PICALM: variants seen among roughly 807,000 people sequenced by gnomAD.
PICALM encodes phosphatidylinositol binding clathrin assembly protein, also known as phosphatidylinositol-binding clathrin assembly protein.
A neutral mutation model predicts 80.5 loss-of-function variants in PICALM; 40 were observed. The ratio of observed to expected loss-of-function variants is 0.50; its 90% CI spans 0.39 to 0.65. The LOEUF is 0.65. Among genes scored for constraint, PICALM ranks in the 30% least tolerant of loss-of-function variants. The probability of loss-of-function intolerance (pLI) is 0.00; values close to 1 mark genes in which losing one functional copy is unlikely to be tolerated. For missense variants in PICALM, 676 were observed against 778.9 expected, an observed-to-expected ratio of 0.87 and a Z score of 1.57; for synonymous variants, 288 against 260.3, an observed-to-expected ratio of 1.11 and a Z score of -1.02.
chr11:86,023,326 A>C, intron 3 of PICALM: 1 of 346,982 alleles, frequency 2.9e-6, no homozygotes, highest in African/African-American at 2.2e-5. Context: ...TTATTTAGCA[A>C]AATATTTATT....
Position 86,003,495 on chromosome 11 carries a change from C to T in PICALM, c.808-44G>A, listed in dbSNP as rs771127377. 1.2e-5 allele frequency: 15 copies of T among 1,244,396 alleles called. No individual in the cohort carries two copies. In the East Asian group the frequency reaches 3.5e-4, roughly 29 times the overall value. The allele number at this position is 1,244,396 out of a possible 1,614,324, so 77.1% of individuals were successfully genotyped here. A position where few individuals can be genotyped will look rare whatever the true frequency, so the allele number is the denominator to read the frequency against. The stretch of plus-strand genomic sequence containing the variant: ...TAAGAATTTCATGATAATTAGGCCA[C>T]TGGTCAAATTAAATCAAGTATCATC... On this transcript the variant is annotated intron_variant, in intron 8 of 19. Coordinates refer to ENST00000393346, the MANE Select transcript of PICALM (RefSeq NM_007166.4).
chr11:86,009,091 G>A (rs2095340251), intron 7 of PICALM, among the ~76,000 whole-genome samples: 1 of 151,498 alleles, frequency 6.6e-6, no homozygotes, highest in Admixed American at 6.6e-5. Context: ...GATTACTTGA[G>A]GTCAGGAGTT....
At position 85,975,786 on chromosome 11, in the gene PICALM, G is replaced by T. The variant is rs574870993; in HGVS notation, c.1839+837C>A. ...TAATTTTTGTATTTTTAGTAGAGACGGAGTTTCACCATATTGGTCAGGCTG... is the reference window on the plus strand; with the variant it reads ...TAATTTTTGTATTTTTAGTAGAGACTGAGTTTCACCATATTGGTCAGGCTG... On this transcript the variant is annotated intron_variant, in intron 18 of 19. Transcript: ENST00000393346. Among the ~76,000 whole-genome samples the T allele has an allele frequency of 7.9e-5, 12 of 151,786 alleles. No homozygotes were observed. The East Asian group carries it at 2.1e-3, about 27-fold the overall frequency.
chr11:85,965,515 G>A (rs2093846068), intron 19 of PICALM, among the ~76,000 whole-genome samples: 1 of 152,156 alleles, frequency 6.6e-6, no homozygotes, highest in Admixed American at 6.5e-5. Flanking sequence ...CAGGCCATTA[G>A]TGGTACGTTG....
chr11:85,978,427 A>C (rs142924376), intron 17 of PICALM: 1 of 165,450 alleles, frequency 6.0e-6, no homozygotes, highest in Non-Finnish European at 1.3e-5. Flanking sequence ...TCTACCACAG[A>C]AAAAAAGCAA....
upstream of PICALM, chr11:86,069,857 G>A (rs1256989488): frequency 6.6e-6 from 1 of 152,248 alleles, no homozygotes; most frequent in South Asian, 2.1e-4. Flanking sequence ...ATTCTCTAGG[G>A]TGTGGAATAG....
At chr11:86,045,426 C>T (rs1339565580) in intron 1 of PICALM, among the ~76,000 whole-genome samples, 1 of 140,948 alleles carries the variant, frequency 7.1e-6, no homozygotes, top group Non-Finnish European at 1.5e-5. Flanking sequence ...CACTTCAGCC[C>T]AAGAGTTTGA....
intron 9 of PICALM, among the ~76,000 whole-genome samples, chr11:86,001,632 A>G (rs138024202): frequency 6.6e-6 from 1 of 152,238 alleles, no homozygotes; most frequent in South Asian, 2.1e-4. Context: ...TGTTTCACCT[A>G]TAACAACATC....
At chr11:86,026,551 T>C (rs1227695162) in intron 2 of PICALM, among the ~76,000 whole-genome samples, 184 bp from the exon 3 acceptor site, 1 of 152,172 alleles carries the variant, frequency 6.6e-6, no homozygotes, top group East Asian at 1.9e-4. Context: ...TTCACTAGCA[T>C]GCGAGAATTT....
At chr11:85,997,366 G>C (rs1400574859) in intron 11 of PICALM, among the ~76,000 whole-genome samples, 3 of 152,112 alleles carry the variant, frequency 2.0e-5, no homozygotes, top group Admixed American at 6.5e-5. Context: ...CTCACTTCTA[G>C]TGCCTCAGTG....
chr11:85,967,824 G>A (rs867956045), intron 19 of PICALM, among the ~76,000 whole-genome samples: 1 of 152,096 alleles, frequency 6.6e-6, no homozygotes, highest in South Asian at 2.1e-4. Context: ...TAAATTATTC[G>A]AATATCTAAA....
chr11:85,966,467 T>C (rs2093902421), intron 19 of PICALM, among the ~76,000 whole-genome samples: 1 of 152,250 alleles, frequency 6.6e-6, no homozygotes, highest in African/African-American at 2.4e-5. Context: ...CAGTTTCAAA[T>C]ATTTTCATTT....
intron 5 of PICALM, among the ~76,000 whole-genome samples, chr11:86,013,780 C>CT (rs963128321): frequency 6.6e-6 from 1 of 151,970 alleles, no homozygotes; most frequent in African/African-American, 2.4e-5. Flanking sequence ...GGTCAGCAAA[C>CT]TTTTTTTTGT....
intron 1 of PICALM, among the ~76,000 whole-genome samples, chr11:86,051,704 G>A (rs990548738): frequency 6.6e-6 from 1 of 152,108 alleles, no homozygotes; most frequent in Non-Finnish European, 1.5e-5. Flanking sequence ...ATCTCAAAAT[G>A]TAATCTTACA....
rs755346304 is a variant in PICALM at position 85,981,177 on chromosome 11, G to C, written c.1731C>G (p.Asn577Lys). The change falls in exon 17 of 20, where the codon AAC becomes AAG. Residue 577 changes from asparagine (N) to lysine (K), a missense_variant. Physicochemically the swap from Asn to Lys is moderately conservative, Grantham distance 94 (BLOSUM62 0). This residue lies in a region of PICALM where 391 missense variants were observed against 383.6 expected (regional missense o/e 1.02). Coordinates refer to ENST00000393346, the MANE Select transcript of PICALM (RefSeq NM_007166.4). ...TTGTTGGTGCAACCTTTGGTTGCCA[G>C]TTAGATCCCCCAGTTAACTTCTTTT... is the stretch of plus-strand genomic sequence containing the variant. ...PGEKKLTGGS[N>K]WQPKVAPTTA... 17 of 1,610,240 alleles carry C rather than the reference G, an allele frequency of 1.1e-5. No homozygotes were observed. In the South Asian group the frequency reaches 1.6e-4, roughly 16 times the overall value.
At chr11:85,981,451 C>CA (rs2094440325) in intron 16 of PICALM, among the ~76,000 whole-genome samples, 1 of 151,834 alleles carries the variant, frequency 6.6e-6, no homozygotes, top group Non-Finnish European at 1.5e-5. Context: ...ACTAAAAATA[C>CA]AAAAAAATTA....
rs1177856164 is a variant in PICALM, at chr11:85,958,580, T to C, written c.*466A>G. On this transcript the variant is annotated 3_prime_UTR_variant, in exon 20 of 20. Coordinates refer to ENST00000393346, the MANE Select transcript of PICALM (RefSeq NM_007166.4). ...AAAGAAAAGTTAATTTCAGTTATTG[T>C]TTCTGTATTTGTGAGGACTGGAGAA... is the stretch of plus-strand genomic sequence containing the variant. The C allele has an allele frequency of 4.5e-6, 1 of 221,438 alleles. No individual in the cohort carries two copies. The highest frequency in any genetic ancestry group is 9.0e-6 in the Non-Finnish European group (1 of 110,818). The allele number at this position is 221,438 out of a possible 1,614,324, so 13.7% of individuals were successfully genotyped here. A position where few individuals can be genotyped will look rare whatever the true frequency, so the allele number is the denominator to read the frequency against.
chr11:86,057,275 A>G (rs1271425625), intron 1 of PICALM, among the ~76,000 whole-genome samples: 4 of 152,186 alleles, frequency 2.6e-5, no homozygotes, highest in African/African-American at 7.2e-5. Context: ...GCGGTGGCTC[A>G]CGCCTGCAAT....
At chr11:85,997,605 G>A (rs1005395213) in intron 11 of PICALM, among the ~76,000 whole-genome samples, 4 of 152,100 alleles carry the variant, frequency 2.6e-5, no homozygotes, top group African/African-American at 9.7e-5. Flanking sequence ...CAAGCAGCTG[G>A]GACTACAGGT....
Sources: gnomAD v4.1 joint callset for allele counts (sites outside exome capture counted in the v4.1 genomes callset) on GRCh38, gnomAD v4.1.1 for gene constraint, gnomAD v4.1.1 regional missense constraint, MANE v1.5 for transcripts, NCBI Gene and HGNC (gene_info 2026-07-23, HGNC 2026-07-21) for gene names.